The following RANBP2 variants were observed in gnomAD, a reference collection of about 807,000 sequenced individuals.
The protein encoded by RANBP2 is RAN binding protein 2.
In RANBP2, 57 loss-of-function variants were observed where a neutral mutation model predicts 303.6. The ratio of observed to expected loss-of-function variants is 0.19; its 90% confidence interval spans 0.15 to 0.23. The LOEUF (loss-of-function observed/expected upper bound fraction) is 0.23. Ranked by LOEUF, RANBP2 falls within the 10% of genes least tolerant of loss-of-function variation. The pLI is 1.00. For missense variants in RANBP2, 3,138 were observed against 3,780.8 expected (o/e 0.83, Z 4.46); for synonymous variants, 1,167 against 1,301.5 (o/e 0.90, Z 2.23).
the RANBP2 span, among the ~76,000 whole-genome samples, chr2:109,609,303 C>T: frequency 6.6e-6 from 1 of 151,684 alleles, no homozygotes; most frequent in African/African-American, 2.4e-5. Context: ...TGCCTGTCCT[C>T]AAAGATATAT....
At chr2:109,180,019 A>G in the RANBP2 span, among the ~76,000 whole-genome samples, 1 of 151,902 alleles carries the variant, frequency 6.6e-6, no homozygotes, top group Non-Finnish European at 1.5e-5. Context: ...CATTCAAATT[A>G]CCTCAAGTGG....
chr2:109,624,412 C>T, the RANBP2 span, among the ~76,000 whole-genome samples: 1 of 152,244 alleles, frequency 6.6e-6, no homozygotes, highest in African/African-American at 2.4e-5. Context: ...ATGCTTTCAG[C>T]TGAACTTGCC....
At chr2:108,800,163 G>T in the RANBP2 span, among the ~76,000 whole-genome samples, 1 of 152,096 alleles carries the variant, frequency 6.6e-6, no homozygotes. Context: ...GTATATTCAA[G>T]ACCTTCTGGT....
At chr2:109,183,003 A>G in the RANBP2 span, among the ~76,000 whole-genome samples, 1 of 152,234 alleles carries the variant, frequency 6.6e-6, no homozygotes, top group Non-Finnish European at 1.5e-5. Context: ...TTCAGAGCTC[A>G]TCATCCTTCC....
At chr2:109,289,699 A>G in the RANBP2 span, among the ~76,000 whole-genome samples, 1 of 152,290 alleles carries the variant, frequency 6.6e-6, no homozygotes, top group South Asian at 2.1e-4. Context: ...AGCATAGAAG[A>G]TGAAACATGA....
At chr2:108,788,476 T>C (rs1410596116), downstream of RANBP2, among the ~76,000 whole-genome samples, 1 of 151,274 alleles carries the variant, frequency 6.6e-6, no homozygotes, top group East Asian at 1.9e-4. Context: ...CCCAGCACTT[T>C]GGGAGGCGAG....
chr2:109,636,064 T>A, the RANBP2 span, among the ~76,000 whole-genome samples: 8 of 152,292 alleles, frequency 5.3e-5, no homozygotes, highest in African/African-American at 1.9e-4. Context: ...TCTTCCTCCA[T>A]GTGAGGATAC....
the RANBP2 span, among the ~76,000 whole-genome samples, chr2:109,138,274 G>A: frequency 2.0e-5 from 3 of 152,112 alleles, no homozygotes; most frequent in African/African-American, 7.2e-5. Flanking sequence ...TGATCCGCCC[G>A]CCTTGGCCTC....
the RANBP2 span, among the ~76,000 whole-genome samples, chr2:109,062,005 C>T: frequency 6.6e-6 from 1 of 152,114 alleles, no homozygotes; most frequent in Non-Finnish European, 1.5e-5. Flanking sequence ...TCCTGTCATC[C>T]TCACAGACCC....
At chr2:109,150,211 A>G in the RANBP2 span, among the ~76,000 whole-genome samples, 1 of 152,158 alleles carries the variant, frequency 6.6e-6, no homozygotes, top group Admixed American at 6.5e-5. Context: ...GGACATGGCC[A>G]GGTAAAGAGG....
the RANBP2 span, among the ~76,000 whole-genome samples, chr2:109,579,550 A>C: frequency 6.6e-6 from 1 of 151,446 alleles, no homozygotes; most frequent in African/African-American, 2.4e-5. Context: ...CGCCTGGCTA[A>C]TTTTTGTATT....
At chr2:108,756,522 A>C (rs546970517) in intron 17 of RANBP2, among the ~76,000 whole-genome samples, 2 of 152,338 alleles carry the variant, frequency 1.3e-5, no homozygotes, top group Non-Finnish European at 2.9e-5. Flanking sequence ...AACTTAAGAG[A>C]ATACTGTGTG....
chr2:109,029,381 G>A, the RANBP2 span, among the ~76,000 whole-genome samples: 1 of 152,154 alleles, frequency 6.6e-6, no homozygotes, highest in East Asian at 1.9e-4. Context: ...GTGTAAATGG[G>A]AGAAACTTCA....
the RANBP2 span, among the ~76,000 whole-genome samples, chr2:109,312,442 C>T: frequency 3.3e-5 from 5 of 152,074 alleles, no homozygotes; most frequent in Admixed American, 6.5e-5. Flanking sequence ...ATGTTTCGAC[C>T]GTCAGCACTG....
chr2:109,333,871 A>G, the RANBP2 span, among the ~76,000 whole-genome samples: 98 of 152,320 alleles, frequency 6.4e-4, no homozygotes, highest in Middle Eastern at 3.4e-3. Context: ...TTATGATGAT[A>G]TAATAATGAT....
At chr2:109,278,154 G>A in the RANBP2 span, among the ~76,000 whole-genome samples, 1 of 151,486 alleles carries the variant, frequency 6.6e-6, no homozygotes, top group Non-Finnish European at 1.5e-5. Flanking sequence ...TCCAGCCTGA[G>A]TGATAGAGCA....
At chr2:108,912,818 A>AG in the RANBP2 span, 6 of 1,430,084 alleles carry the variant, frequency 4.2e-6, no homozygotes, top group South Asian at 7.3e-5. Context: ...ACCTTCAAAG[A>AG]CGCTGCCACA....
the RANBP2 span, among the ~76,000 whole-genome samples, chr2:109,078,099 T>TATATATATATATATGGC: frequency 4.2e-5 from 2 of 47,854 alleles, no homozygotes; most frequent in Non-Finnish European, 6.5e-5. Context: ...TATATATATA[T>TATATATATATATATGGC]ATATATATAT....
chr2:109,531,529 G>A, the RANBP2 span, among the ~76,000 whole-genome samples: 35 of 152,308 alleles, frequency 2.3e-4, no homozygotes, highest in East Asian at 4.4e-3. Flanking sequence ...GATATGCATC[G>A]TGGCCCTAAT....
Sources: gnomAD v4.1 joint callset for allele counts (sites outside exome capture counted in the v4.1 genomes callset) on GRCh38, gnomAD v4.1.1 for gene constraint, MANE v1.5 for transcripts, NCBI Gene and HGNC (gene_info 2026-07-23, HGNC 2026-07-21) for gene names.